The following ANKFN1 variants were observed in gnomAD, a reference collection of about 807,000 sequenced individuals.
ANKFN1 encodes ankyrin repeat and fibronectin type III domain containing 1.
In ANKFN1, 74 loss-of-function variants were observed where a neutral mutation model predicts 108.7. The observed-to-expected ratio is 0.68, with a 90% CI of 0.56 to 0.83. The LOEUF (loss-of-function observed/expected upper bound fraction) is 0.83. Ranked by LOEUF, ANKFN1 falls within the 40% of genes least tolerant of loss-of-function variation. The probability of loss-of-function intolerance (pLI) is 0.00; values close to 1 mark genes in which losing one functional copy is unlikely to be tolerated. For missense variants in ANKFN1, 1,505 were observed against 1,382.3 expected (o/e 1.09, Z -1.41); for synonymous variants, 547 against 516.2 (o/e 1.06, Z -0.81).
chr17:56,372,640 C>T lies in ANKFN1; in HGVS notation c.602-6C>T. On this transcript the variant is annotated splice_region_variant and splice_polypyrimidine_tract_variant and intron_variant, in intron 6 of 20. Coordinates refer to ENST00000682825, the MANE Select transcript of ANKFN1 (RefSeq NM_001370326.1). ...AAGAGAAGTAATCCCATTTCTTTCC[C>T]TTTAGTTGTCAGCCTGGAAAGCCGA... 6.2e-7 allele frequency: 1 copy of T among 1,609,356 alleles called. No homozygotes were observed. Among genetic ancestry groups the T allele is most frequent in the African/African-American group, 1.3e-5 (1 of 74,562 alleles).
intron 1 of ANKFN1, among the ~76,000 whole-genome samples, chr17:56,158,121 G>A (rs1909286066): frequency 6.6e-6 from 1 of 152,126 alleles, no homozygotes; most frequent in African/African-American, 2.4e-5. Flanking sequence ...TTCACTTGCT[G>A]GGAATGCTTC....
chr17:56,353,974 A>G lies in ANKFN1; in HGVS notation c.529A>G (p.Ile177Val), dbSNP rs767462304. 3 of 1,613,996 alleles carry G rather than the reference A, an allele frequency of 1.9e-6. No individual in the cohort carries two copies. In the South Asian group the frequency reaches 3.3e-5, roughly 18 times the overall value. The part of the protein sequence containing the change: ...PNSEGLTPLD[I>V]AIMTNNVPIA... ...CAGCGAGGGCTTGACACCCCTGGAT[A>G]TTGCCATCATGACCAACAATGTGCC... The change falls in exon 6 of 21, where the codon ATT (isoleucine) becomes GTT (valine). Residue 177 changes from isoleucine (I) to valine (V), a missense_variant. By Grantham distance (29) the Ile-to-Val change is conservative. Coordinates refer to ENST00000682825, the MANE Select transcript of ANKFN1 (RefSeq NM_001370326.1).
chr17:56,500,340 G>A (rs1256882081), intron 20 of ANKFN1, among the ~76,000 whole-genome samples: 1 of 152,160 alleles, frequency 6.6e-6, no homozygotes, highest in African/African-American at 2.4e-5. Context: ...TTGGCAAGTG[G>A]AAGAACTTAG....
intron 3 of ANKFN1, among the ~76,000 whole-genome samples, chr17:56,268,902 G>A (rs1229362969): frequency 6.6e-6 from 1 of 151,996 alleles, no homozygotes; most frequent in Non-Finnish European, 1.5e-5. Flanking sequence ...GCTAAGCCCT[G>A]GAGATTTAAG....
intron 8 of ANKFN1, among the ~76,000 whole-genome samples, chr17:56,419,810 CAAAA>C (rs5821128): frequency 0.013 from 1,293 of 102,124 alleles, 19 homozygotes; most frequent in African/African-American, 0.033. Flanking sequence ...GACCCTGTCT[CAAAA>C]AAAAAAAAAA....
Position 56,332,979 on chromosome 17 carries a change from G to GTATATA in ANKFN1, c.188+6640_188+6645dup, listed in dbSNP as rs61494269. On this transcript the variant is annotated intron_variant, in intron 4 of 20. Transcript: ENST00000682825. The stretch of plus-strand genomic sequence containing the variant: ...ATGAACAAGGTGTGTATATATGTGT[G>GTATATA]TATATATATATATATATATATCTTC... Among the ~76,000 whole-genome samples, 185 of 147,824 alleles carry GTATATA rather than the reference G, an allele frequency of 1.3e-3. 1 individual carries two copies. Among genetic ancestry groups the GTATATA allele is most frequent in the African/African-American group, 3.8e-3 (149 of 39,564 alleles).
chr17:56,088,084 C>A (rs1905349356), intron 4 of ANKFN1, among the ~76,000 whole-genome samples: 1 of 151,318 alleles, frequency 6.6e-6, no homozygotes, highest in Non-Finnish European at 1.5e-5. Context: ...GTTGCTCTTA[C>A]TTTCCCTCCA....
At chr17:56,301,612 A>C (rs527833978) in intron 3 of ANKFN1, among the ~76,000 whole-genome samples, 13 of 152,158 alleles carry the variant, frequency 8.5e-5, no homozygotes, top group African/African-American at 2.7e-4. Flanking sequence ...TGGCTTCTAC[A>C]CCTAGCCCCA....
intron 8 of ANKFN1, among the ~76,000 whole-genome samples, chr17:56,436,090 A>T (rs2048921488): frequency 6.6e-6 from 1 of 152,152 alleles, no homozygotes; most frequent in African/African-American, 2.4e-5. Context: ...TGTGATTTAC[A>T]TAGCTGCCAT....
At chr17:56,360,140 T>A (rs1050703234) in intron 6 of ANKFN1, among the ~76,000 whole-genome samples, 1 of 152,250 alleles carries the variant, frequency 6.6e-6, no homozygotes, top group African/African-American at 2.4e-5. Flanking sequence ...CCTCAATATT[T>A]TTTTCTGCTT....
At chr17:56,413,278 C>T (rs185613490) in intron 8 of ANKFN1, among the ~76,000 whole-genome samples, 1 of 152,178 alleles carries the variant, frequency 6.6e-6, no homozygotes, top group Non-Finnish European at 1.5e-5. Flanking sequence ...GATTTTGTAT[C>T]CTGAGACTTT....
intron 20 of ANKFN1, among the ~76,000 whole-genome samples, chr17:56,500,725 C>T (rs145102445): frequency 1.3e-5 from 2 of 152,162 alleles, no homozygotes; most frequent in African/African-American, 4.8e-5. Context: ...AGCAGTTTGG[C>T]TGAAACTCAG....
At chr17:56,389,013 A>G (rs1408558818) in intron 8 of ANKFN1, among the ~76,000 whole-genome samples, 2 of 152,072 alleles carry the variant, frequency 1.3e-5, no homozygotes, top group Non-Finnish European at 2.9e-5. Context: ...AATTTCAAAA[A>G]AAAAAAAAAA....
At chr17:56,274,921 G>T (rs2043885557) in intron 3 of ANKFN1, among the ~76,000 whole-genome samples, 2 of 152,160 alleles carry the variant, frequency 1.3e-5, no homozygotes, top group Non-Finnish European at 2.9e-5. Flanking sequence ...GTACCTTGCG[G>T]TTATCACTTA....
chr17:56,168,128 A>T (rs1485662708), intron 1 of ANKFN1, among the ~76,000 whole-genome samples: 2 of 152,056 alleles, frequency 1.3e-5, no homozygotes, highest in Non-Finnish European at 2.9e-5. Flanking sequence ...TTAGCCAGGC[A>T]TGGTGGTGCA....
intron 4 of ANKFN1, among the ~76,000 whole-genome samples, chr17:56,068,678 C>T (rs1310385982): frequency 3.9e-5 from 6 of 152,158 alleles, no homozygotes; most frequent in Non-Finnish European, 7.3e-5. Context: ...TTAGCAGCAC[C>T]GTTTACATTG....
chr17:56,047,917 AT>A (rs1251374396), intron 4 of ANKFN1, among the ~76,000 whole-genome samples: 1 of 152,074 alleles, frequency 6.6e-6, no homozygotes, highest in African/African-American at 2.4e-5. Context: ...GTGACTCTTT[AT>A]TTTTTCCCGT....
At chr17:56,421,445 C>T (rs1269440474) in intron 8 of ANKFN1, among the ~76,000 whole-genome samples, 1 of 152,206 alleles carries the variant, frequency 6.6e-6, no homozygotes, top group South Asian at 2.1e-4. Flanking sequence ...ATCTGATGCT[C>T]ATTCAATGAA....
At chr17:56,051,808 T>G (rs1435821335) in intron 4 of ANKFN1, among the ~76,000 whole-genome samples, 2 of 151,580 alleles carry the variant, frequency 1.3e-5, no homozygotes, top group South Asian at 4.2e-4. Context: ...ATGAGTGAAT[T>G]CCCATTCACA....
Sources: gnomAD v4.1 joint callset for allele counts (sites outside exome capture counted in the v4.1 genomes callset) on GRCh38, gnomAD v4.1.1 for gene constraint, MANE v1.5 for transcripts, NCBI Gene and HGNC (gene_info 2026-07-23, HGNC 2026-07-21) for gene names.